Variants in SPAST observed in about 807,000 individuals in gnomAD.
The protein encoded by SPAST is spastic paraplegia 4 (autosomal dominant; spastin).
A neutral mutation model predicts 76.6 loss-of-function variants in SPAST; 30 were observed. That is an observed-to-expected ratio of 0.39 (90% CI 0.29 to 0.53). SPAST has a LOEUF of 0.53. SPAST is among the 20% of genes least tolerant of loss of function. The probability of loss-of-function intolerance (pLI) is 0.68; values close to 1 mark genes in which losing one functional copy is unlikely to be tolerated. For missense variants in SPAST, 717 were observed against 770.5 expected, an observed-to-expected ratio of 0.93 and a Z score of 0.82; for synonymous variants, 305 against 281.0, an observed-to-expected ratio of 1.09 and a Z score of -0.86.
chr2:32,073,722 T>C (rs147870696), intron 1 of SPAST, among the ~76,000 whole-genome samples: 8 of 152,334 alleles, frequency 5.3e-5, no homozygotes, highest in African/African-American at 9.6e-5. Context: ...TTGTGAATTA[T>C]TAACAATCGC....
chr2:32,095,185 G>C (rs565214463), intron 3 of SPAST, among the ~76,000 whole-genome samples: 10 of 152,284 alleles, frequency 6.6e-5, no homozygotes, highest in African/African-American at 2.4e-4. Context: ...TATGATTATA[G>C]TTGAAGGTCG....
intron 1 of SPAST, among the ~76,000 whole-genome samples, chr2:32,076,910 G>A (rs1676983851): frequency 6.6e-6 from 1 of 151,772 alleles, no homozygotes; most frequent in Non-Finnish European, 1.5e-5. Context: ...GAGTCTCGTT[G>A]TGTCGCCCAG....
At chr2:32,066,995 A>AAAAAAAAAAACAAAAAAAAACC (rs1676545573) in intron 1 of SPAST, among the ~76,000 whole-genome samples, 2 of 47,022 alleles carry the variant, frequency 4.3e-5, no homozygotes, top group South Asian at 1.9e-3. Context: ...AAAAAAAACC[A>AAAAAAAAAAACAAAAAAAAACC]AAAAAAAAAA....
chr2:32,096,036 G>A (rs1677901379), intron 3 of SPAST, among the ~76,000 whole-genome samples: 1 of 152,334 alleles, frequency 6.6e-6, no homozygotes, highest in South Asian at 2.1e-4. Flanking sequence ...GACTGTGGGG[G>A]TTGGATGTGA....
At chr2:32,100,577 A>C (rs556327992) in intron 4 of SPAST, among the ~76,000 whole-genome samples, 1 of 152,074 alleles carries the variant, frequency 6.6e-6, no homozygotes, top group East Asian at 1.9e-4. Flanking sequence ...TGTCATTTAC[A>C]TTAGGTATAT....
intron 7 of SPAST, among the ~76,000 whole-genome samples, chr2:32,118,326 T>C (rs1678911004): frequency 6.6e-6 from 1 of 152,222 alleles, no homozygotes; most frequent in Admixed American, 6.5e-5. Context: ...TTCAAGTCTA[T>C]TTTACTTATT....
chr2:32,120,995 C>G (rs776234549), intron 7 of SPAST, among the ~76,000 whole-genome samples: 1 of 152,198 alleles, frequency 6.6e-6, no homozygotes, highest in African/African-American at 2.4e-5. Flanking sequence ...GTATTAGAGA[C>G]AGAAGATCAG....
intron 3 of SPAST, among the ~76,000 whole-genome samples, chr2:32,092,871 G>A (rs981806827): frequency 6.6e-6 from 1 of 152,060 alleles, no homozygotes; most frequent in African/African-American, 2.4e-5. Context: ...AGCCAGGCTG[G>A]TGGTACGCAC....
chr2:32,148,810 C>CAG (rs1553320186), intron 16 of SPAST, among the ~76,000 whole-genome samples: 1 of 120,654 alleles, frequency 8.3e-6, no homozygotes. Context: ...GACTCCATCT[C>CAG]AAAAAAAAAA....
At chr2:32,093,462 A>C (rs1677802504) in intron 3 of SPAST, among the ~76,000 whole-genome samples, 1 of 152,214 alleles carries the variant, frequency 6.6e-6, no homozygotes. Flanking sequence ...AGCCTGGATG[A>C]CAGAGTGAGA....
chr2:32,137,939 G>A (rs764319967), intron 12 of SPAST, among the ~76,000 whole-genome samples: 23 of 152,060 alleles, frequency 1.5e-4, no homozygotes, highest in Admixed American at 5.9e-4. Flanking sequence ...ATTAATTGGC[G>A]TAGTATTAAG....
chr2:32,147,707 C>T (rs932391454), intron 16 of SPAST, among the ~76,000 whole-genome samples: 5 of 151,924 alleles, frequency 3.3e-5, no homozygotes, highest in Admixed American at 6.6e-5. Context: ...TCTCAGCTCA[C>T]TGCAAGCTCT....
intron 1 of SPAST, among the ~76,000 whole-genome samples, chr2:32,071,615 A>G (rs1014068225): frequency 6.6e-6 from 1 of 152,228 alleles, no homozygotes; most frequent in African/African-American, 2.4e-5. Context: ...TCAGTTAAAC[A>G]TGTAAGATGT....
intron 3 of SPAST, among the ~76,000 whole-genome samples, chr2:32,097,864 T>C (rs1677979610): frequency 6.6e-6 from 1 of 151,848 alleles, no homozygotes; most frequent in East Asian, 1.9e-4. Context: ...CGGATACTTT[T>C]TTGTTTGTTT....
chr2:32,115,630 TAAGGTTAACTTATTTATGAA>T, intron 5 of SPAST, 52 bp from the exon 6 acceptor site: 1 of 1,189,944 alleles, frequency 8.4e-7, no homozygotes, highest in Non-Finnish European at 1.2e-6. Context: ...CTGTGAACTT[TAAGGTTAACTTATTTATGAA>T]AAGTGTAAAT....
rs1047207859 is a variant in SPAST, at chr2:32,134,374, C to T, written c.1246-2189C>T. Among the ~76,000 whole-genome samples, 59 of 151,742 alleles carry T rather than the reference C, an allele frequency of 3.9e-4. 1 individual carries two copies. The highest frequency in any genetic ancestry group is 1.4e-3 in the African/African-American group (56 of 41,278). The stretch of plus-strand genomic sequence containing the variant: ...AAAATTAGCGGGGTGTGGTGGCAGG[C>T]GCCTGTAATCCCACTTACTCAGGAG... On this transcript the variant is annotated intron_variant, in intron 9 of 16. Transcript: ENST00000315285.
intron 12 of SPAST, among the ~76,000 whole-genome samples, chr2:32,137,859 A>G (rs1679590090): frequency 6.6e-6 from 1 of 152,194 alleles, no homozygotes; most frequent in East Asian, 1.9e-4. Flanking sequence ...TCCCATGTTT[A>G]TGTCCATGTG....
rs184226325 is a variant in SPAST, at chr2:32,122,541, C to T, written c.1099-4407C>T. 4.2e-3 allele frequency among the ~76,000 whole-genome samples: 641 copies of T among 152,180 alleles called. 8 individuals are homozygous for T. The highest frequency in any genetic ancestry group is 0.015 in the African/African-American group (625 of 41,550). ...TTTGCCATGTTGACCAGTCTAGTCT[C>T]GAACTCCTGACCTCAGGTGATCCAC... is the stretch of plus-strand genomic sequence containing the variant. On this transcript the variant is annotated intron_variant, in intron 7 of 16. Transcript: ENST00000315285.
chr2:32,069,147 A>G (rs567820752), intron 1 of SPAST, among the ~76,000 whole-genome samples: 2 of 150,906 alleles, frequency 1.3e-5, no homozygotes, highest in South Asian at 4.2e-4. Flanking sequence ...CCAGAGGTGG[A>G]GATTGCGGTG....
Sources: gnomAD v4.1 joint callset for allele counts (sites outside exome capture counted in the v4.1 genomes callset) on GRCh38, gnomAD v4.1.1 for gene constraint, MANE v1.5 for transcripts, NCBI Gene and HGNC (gene_info 2026-07-23, HGNC 2026-07-21) for gene names.